Variants in PLEKHS1 observed in about 807,000 individuals in gnomAD.
The protein encoded by PLEKHS1 is pleckstrin homology domain-containing family S member 1.
In PLEKHS1, 55 loss-of-function variants were observed where a neutral mutation model predicts 51.0. That is an observed-to-expected ratio of 1.08 (90% CI 0.87 to 1.35). The LOEUF (loss-of-function observed/expected upper bound fraction) is 1.35. Among genes scored for constraint, PLEKHS1 ranks in the 40% most tolerant of loss-of-function variants. PLEKHS1 has a pLI of 0.00. For synonymous variants in PLEKHS1, 153 were observed against 144.8 expected (o/e 1.06, Z -0.41); for missense variants, 398 against 423.0 (o/e 0.94, Z 0.52).
intron 1 of PLEKHS1, among the ~76,000 whole-genome samples, chr10:113,753,317 A>C (rs1853936361): frequency 6.6e-6 from 1 of 152,200 alleles, no homozygotes; most frequent in Non-Finnish European, 1.5e-5. Context: ...TTGAAACTGG[A>C]AAGAACCTCA....
chr10:113,775,919 A>C, intron 11 of PLEKHS1, 53 bp downstream of exon 11: 1 of 1,347,400 alleles, frequency 7.4e-7, no homozygotes, highest in South Asian at 1.3e-5. Context: ...GAAGCTTTGA[A>C]GAGAACAATT....
chr10:113,762,781 CT>C (rs1844000047), intron 2 of PLEKHS1, among the ~76,000 whole-genome samples: 1 of 151,896 alleles, frequency 6.6e-6, no homozygotes, highest in South Asian at 2.1e-4. Context: ...AATGTATACT[CT>C]ATTGTCATTG....
chr10:113,754,601 G>A (rs1032829436), intron 1 of PLEKHS1, among the ~76,000 whole-genome samples: 1 of 152,068 alleles, frequency 6.6e-6, no homozygotes, highest in Admixed American at 6.5e-5. Flanking sequence ...GCCTCCTGAG[G>A]GATTACAGGC....
chr10:113,766,467 A>G (rs777565644), exon 3 of PLEKHS1: 2 of 1,604,032 alleles, frequency 1.2e-6, no homozygotes, highest in Non-Finnish European at 1.7e-6. Context: ...TTACTTTATT[A>G]AATCACCACC....
intron 2 of PLEKHS1, among the ~76,000 whole-genome samples, chr10:113,760,993 T>C (rs777672690): frequency 6.6e-6 from 1 of 152,204 alleles, no homozygotes; most frequent in Non-Finnish European, 1.5e-5. Flanking sequence ...TGGGATGACA[T>C]AGGGGTCCAA....
intron 2 of PLEKHS1, among the ~76,000 whole-genome samples, chr10:113,765,572 A>G (rs1844124586): frequency 6.6e-6 from 1 of 152,236 alleles, no homozygotes; most frequent in Admixed American, 6.5e-5. Context: ...GGGTGGCAGA[A>G]GTGATTAAAT....
intron 1 of PLEKHS1, 113 bp downstream of exon 1, chr10:113,751,874 G>A (rs1426614849): frequency 6.6e-6 from 1 of 152,126 alleles, no homozygotes; most frequent in African/African-American, 2.4e-5. Context: ...CAGATATGCT[G>A]TATTTCTGTT....
downstream of PLEKHS1, chr10:113,783,310 TTCA>T (rs1392693313): frequency 1.3e-5 from 2 of 152,148 alleles, no homozygotes; most frequent in East Asian, 3.8e-4. Flanking sequence ...TATTAAAATG[TTCA>T]GCAGGCACAG....
chr10:113,777,319 G>T, intron 11 of PLEKHS1, 60 bp downstream of exon 12: 1 of 1,607,370 alleles, frequency 6.2e-7, no homozygotes, highest in East Asian at 2.2e-5. Flanking sequence ...AAAAGATCAG[G>T]GTCTTAGATG....
chr10:113,775,118 A>C, intron 10 of PLEKHS1, 83 bp downstream of exon 10: 2 of 1,266,236 alleles, frequency 1.6e-6, no homozygotes, highest in Non-Finnish European at 2.2e-6. Flanking sequence ...TTAGAATTTA[A>C]ATTTTAAAGC....
intron 2 of PLEKHS1, among the ~76,000 whole-genome samples, chr10:113,761,222 A>G (rs1264614880): frequency 6.6e-6 from 1 of 151,830 alleles, no homozygotes; most frequent in Admixed American, 6.6e-5. Context: ...AAGTGTGTGT[A>G]CTCTTTGTTC....
At chr10:113,780,382 C>T (rs1449717346) in intron 11 of PLEKHS1, among the ~76,000 whole-genome samples, 1 of 152,134 alleles carries the variant, frequency 6.6e-6, no homozygotes, top group East Asian at 1.9e-4. Flanking sequence ...CTTAAAAGCT[C>T]AGCTTCCTTT....
chr10:113,753,578 C>T (rs547313981), intron 1 of PLEKHS1, among the ~76,000 whole-genome samples: 3 of 151,966 alleles, frequency 2.0e-5, no homozygotes, highest in African/African-American at 2.4e-5. Flanking sequence ...TTCAGATGCC[C>T]GAGAAAAGTT....
At chr10:113,759,196 G>C (rs1843808163) in intron 2 of PLEKHS1, among the ~76,000 whole-genome samples, 1 of 152,066 alleles carries the variant, frequency 6.6e-6, no homozygotes, top group Non-Finnish European at 1.5e-5. Flanking sequence ...TTGAGGTCAG[G>C]AGTTCAAGAC....
At chr10:113,755,345 A>G (rs1269705344) in intron 2 of PLEKHS1, 40 bp downstream of exon 2, 2 of 1,594,730 alleles carry the variant, frequency 1.3e-6, no homozygotes, top group Non-Finnish European at 1.7e-6. Context: ...AAATCTTTTT[A>G]TTGAAAATGC....
intron 1 of PLEKHS1, among the ~76,000 whole-genome samples, chr10:113,754,184 T>C (rs1564813991): frequency 1.3e-5 from 2 of 152,148 alleles, no homozygotes; most frequent in African/African-American, 4.8e-5. Flanking sequence ...GTCATCTACA[T>C]GTTAGGAAGG....
At chr10:113,775,800 A>G in exon 11 of PLEKHS1, 1 of 1,613,074 alleles carries the variant, frequency 6.2e-7, no homozygotes. Flanking sequence ...GAGAAACTGA[A>G]CGTTTTCCTT....
intron 2 of PLEKHS1, among the ~76,000 whole-genome samples, chr10:113,762,788 C>T (rs547330479): frequency 5.3e-5 from 8 of 151,928 alleles, no homozygotes; most frequent in Admixed American, 3.9e-4. Flanking sequence ...ACTCTATTGT[C>T]ATTGAGTGGA....
chr10:113,780,628 C>T (rs753377659), exon 12 of PLEKHS1: 1 of 1,613,864 alleles, frequency 6.2e-7, no homozygotes, highest in Non-Finnish European at 8.5e-7. Context: ...TCGGCAGGAT[C>T]CCAAATTCAG....
Sources: gnomAD v4.1 joint callset for allele counts (sites outside exome capture counted in the v4.1 genomes callset) on GRCh38, gnomAD v4.1.1 for gene constraint, MANE v1.5 for transcripts, NCBI Gene and HGNC (gene_info 2026-07-23, HGNC 2026-07-21) for gene names.